The following TMEM267 variants were observed in gnomAD, a reference collection of about 807,000 sequenced individuals.
The protein encoded by TMEM267 is transmembrane protein 267.
TMEM267 carries 20 observed loss-of-function variants against 19.3 expected under a neutral mutation model. That is an observed-to-expected ratio of 1.04 (90% CI 0.73 to 1.51). TMEM267 has a LOEUF of 1.51. Among genes scored for constraint, TMEM267 ranks in the 40% most tolerant of loss-of-function variants. The pLI is 0.00. For missense variants in TMEM267, 242 were observed against 261.9 expected, an observed-to-expected ratio of 0.92 and a Z score of 0.52; for synonymous variants, 88 against 90.3, an observed-to-expected ratio of 0.97 and a Z score of 0.15.
chr5:43,446,623 C>T, intron 2 of TMEM267, 66 bp from the exon 3 acceptor site: 2 of 981,272 alleles, frequency 2.0e-6, no homozygotes, highest in Non-Finnish European at 3.0e-6. Flanking sequence ...ATACATGCTT[C>T]TTAATATTTT....
intron 1 of TMEM267, among the ~76,000 whole-genome samples, chr5:43,483,489 A>T (rs1579843923): frequency 6.6e-6 from 1 of 152,240 alleles, no homozygotes; most frequent in Non-Finnish European, 1.5e-5. Flanking sequence ...CCGGAACCCC[A>T]CCCTGGGCCA....
intron 1 of TMEM267, among the ~76,000 whole-genome samples, chr5:43,467,922 G>C (rs1305685611): frequency 6.6e-6 from 1 of 152,102 alleles, no homozygotes; most frequent in Admixed American, 6.5e-5. Context: ...GCCTTACTTT[G>C]AGCTGTATCT....
intron 1 of TMEM267, 37 bp downstream of exon 1, chr5:43,483,785 T>A (rs569799769): frequency 6.6e-6 from 1 of 152,118 alleles, no homozygotes; most frequent in African/African-American, 2.4e-5. Context: ...CCCGGCCCCC[T>A]CCCCTCAGTC....
chr5:43,471,608 A>G (rs1162635911), intron 1 of TMEM267, among the ~76,000 whole-genome samples: 1 of 152,150 alleles, frequency 6.6e-6, no homozygotes, highest in African/African-American at 2.4e-5. Flanking sequence ...TCAGCCAATG[A>G]AACAGAAAAG....
chr5:43,446,327 A>G lies in TMEM267; in HGVS notation c.543T>C (p.Tyr181=). ...GAGGTAAAGATGATGTGATTATTAC[A>G]TAAAGCCAGAATGGCAAAGGAGAAG... is the stretch of plus-strand genomic sequence containing the variant. ...GKTSPLPFWL[Y]VIITSSLPHI... The change falls in exon 3 of 3, where the codon TAT becomes TAC. Residue 181 remains tyrosine, a synonymous_variant. Coordinates refer to ENST00000397080, the MANE Select transcript of TMEM267 (RefSeq NM_022483.5). The G allele has an allele frequency of 6.2e-7, 1 of 1,613,912 alleles. No individual in the cohort carries two copies. Among genetic ancestry groups the G allele is most frequent in the Non-Finnish European group, 8.5e-7 (1 of 1,179,756 alleles).
At chr5:43,475,847 A>G (rs1381514422) in intron 1 of TMEM267, among the ~76,000 whole-genome samples, 2 of 152,234 alleles carry the variant, frequency 1.3e-5, no homozygotes, top group African/African-American at 2.4e-5. Flanking sequence ...AAGAATTAAA[A>G]TAGCAAGAAT....
At chr5:43,448,179 A>G (rs1742366882) in intron 2 of TMEM267, among the ~76,000 whole-genome samples, 1 of 152,056 alleles carries the variant, frequency 6.6e-6, no homozygotes, top group African/African-American at 2.4e-5. Context: ...TTTACCTCTC[A>G]CCTACGGTCT....
rs1402686485 is a variant in TMEM267, at chr5:43,448,851, A to AT, written c.313-2295dup. Reference sequence around the variant, plus strand: ...AGTAACAAATACAAAACAAAAAAAAATTTTTTTTAAACTACATAAAACATA... The same window carrying AT: ...AGTAACAAATACAAAACAAAAAAAAATTTTTTTTTAAACTACATAAAACATA... On this transcript the variant is annotated intron_variant, in intron 2 of 2. Coordinates refer to ENST00000397080, the MANE Select transcript of TMEM267 (RefSeq NM_022483.5). 7.2e-5 allele frequency among the ~76,000 whole-genome samples: 11 copies of AT among 151,890 alleles called. No homozygotes were observed. In the East Asian group the frequency reaches 1.9e-3, roughly 27 times the overall value.
At chr5:43,461,964 A>T (rs1197863228) in intron 1 of TMEM267, among the ~76,000 whole-genome samples, 2 of 152,160 alleles carry the variant, frequency 1.3e-5, no homozygotes, top group Non-Finnish European at 2.9e-5. Flanking sequence ...CAGGAAGTGA[A>T]TATAGCAGGC....
chr5:43,463,587 C>A (rs1246365341), intron 1 of TMEM267, among the ~76,000 whole-genome samples: 4 of 152,172 alleles, frequency 2.6e-5, no homozygotes, highest in Admixed American at 6.5e-5. Context: ...AAATCCACCC[C>A]ACCATGATCC....
At chr5:43,480,125 TA>T in intron 1 of TMEM267, 1 of 258,042 alleles carries the variant, frequency 3.9e-6, no homozygotes, top group Non-Finnish European at 7.5e-6. Flanking sequence ...AAACTTGAAT[TA>T]ATGGCCAACC....
At chr5:43,457,357 G>A (rs1743012067) in intron 1 of TMEM267, among the ~76,000 whole-genome samples, 1 of 152,162 alleles carries the variant, frequency 6.6e-6, no homozygotes, top group Non-Finnish European at 1.5e-5. Context: ...GTATTAGTCT[G>A]TTATTGCATG....
chr5:43,464,881 A>AGGAC (rs1219567223), intron 1 of TMEM267, among the ~76,000 whole-genome samples: 4 of 152,242 alleles, frequency 2.6e-5, no homozygotes, highest in African/African-American at 7.2e-5. Flanking sequence ...AATACCATTC[A>AGGAC]GGACACAGGC....
intron 1 of TMEM267, among the ~76,000 whole-genome samples, chr5:43,483,500 G>C (rs1394488301): frequency 3.3e-5 from 5 of 152,174 alleles, no homozygotes; most frequent in Non-Finnish European, 7.4e-5. Context: ...CCCTGGGCCA[G>C]AAAAAGGCCA....
chr5:43,467,329 T>C (rs945231574), intron 1 of TMEM267, among the ~76,000 whole-genome samples: 1 of 152,070 alleles, frequency 6.6e-6, no homozygotes, highest in African/African-American at 2.4e-5. Flanking sequence ...TATTTATCTG[T>C]TACCTACAAG....
At chr5:43,455,534 G>T (rs1306563419) in intron 1 of TMEM267, among the ~76,000 whole-genome samples, 1 of 151,936 alleles carries the variant, frequency 6.6e-6, no homozygotes, top group East Asian at 1.9e-4. Context: ...AACATACCTA[G>T]TCAATTTTAT....
At position 43,453,225 on chromosome 5, in the gene TMEM267, T is replaced by G. The variant is rs565086769; in HGVS notation, c.312+433A>C. Reference sequence around the variant, plus strand: ...AAGCTATTCAACTTTTATGGAGTACTTAGGAGCTGCATACTAACTGTAAAA... The same window carrying G: ...AAGCTATTCAACTTTTATGGAGTACGTAGGAGCTGCATACTAACTGTAAAA... On this transcript the variant is annotated intron_variant, in intron 2 of 2. Coordinates refer to ENST00000397080, the MANE Select transcript of TMEM267 (RefSeq NM_022483.5). Among the ~76,000 whole-genome samples the G allele has an allele frequency of 2.0e-5, 3 of 152,316 alleles. No individual in the cohort carries two copies. The South Asian group carries it at 6.2e-4, about 32-fold the overall frequency.
intron 2 of TMEM267, among the ~76,000 whole-genome samples, chr5:43,450,054 G>A (rs1256701726): frequency 1.3e-5 from 2 of 151,900 alleles, no homozygotes; most frequent in Non-Finnish European, 2.9e-5. Flanking sequence ...GAGTATAGTG[G>A]CACAATCTTA....
At chr5:43,478,424 T>G (rs1419270310) in intron 1 of TMEM267, among the ~76,000 whole-genome samples, 1 of 152,178 alleles carries the variant, frequency 6.6e-6, no homozygotes, top group African/African-American at 2.4e-5. Context: ...TATATGAATT[T>G]GTCAACAGAA....
Sources: gnomAD v4.1 joint callset for allele counts (sites outside exome capture counted in the v4.1 genomes callset) on GRCh38, gnomAD v4.1.1 for gene constraint, MANE v1.5 for transcripts, NCBI Gene and HGNC (gene_info 2026-07-23, HGNC 2026-07-21) for gene names.